The following DOCK4 variants were observed in gnomAD, a reference collection of about 807,000 sequenced individuals.
The protein encoded by DOCK4 is dedicator of cytokinesis 4.
A neutral mutation model predicts 268.1 loss-of-function variants in DOCK4; 97 were observed. That is an observed-to-expected ratio of 0.36 (90% CI 0.31 to 0.43). The LOEUF (loss-of-function observed/expected upper bound fraction) is 0.43, where lower values mean the gene tolerates loss of function less well. Ranked by LOEUF, DOCK4 falls within the 20% of genes least tolerant of loss-of-function variation. The pLI is 1.00. For missense variants in DOCK4, 2,145 were observed against 2,455.7 expected (o/e 0.87, Z 2.67); for synonymous variants, 954 against 887.2 (o/e 1.08, Z -1.34).
intron 11 of DOCK4, 88 bp downstream of exon 11, chr7:111,940,022 T>C: frequency 7.3e-7 from 1 of 1,374,620 alleles, no homozygotes; most frequent in Non-Finnish European, 1.0e-6. Flanking sequence ...ATTGTTCTTC[T>C]CTACCCACCT....
At chr7:111,839,647 T>G (rs537454084) in intron 25 of DOCK4, among the ~76,000 whole-genome samples, 33 of 152,216 alleles carry the variant, frequency 2.2e-4, no homozygotes, top group Non-Finnish European at 4.0e-4. Flanking sequence ...TGGGCATTTA[T>G]GATGATTATT....
At chr7:111,739,027 A>G in intron 49 of DOCK4, 107 bp downstream of exon 49, 1 of 873,394 alleles carries the variant, frequency 1.1e-6, no homozygotes, top group Non-Finnish European at 1.8e-6. Flanking sequence ...TTGGTCTGAC[A>G]CTGCCCAGCT....
chr7:111,938,241 CAA>C (rs1794898940), intron 11 of DOCK4, among the ~76,000 whole-genome samples: 1 of 152,148 alleles, frequency 6.6e-6, no homozygotes, highest in Non-Finnish European at 1.5e-5. Flanking sequence ...AAATCTTTGT[CAA>C]TGAATTATTG....
At chr7:111,863,315 C>A (rs779741367) in intron 23 of DOCK4, 57 bp downstream of exon 23, 1 of 1,599,534 alleles carries the variant, frequency 6.3e-7, no homozygotes. Context: ...CCAATGGCTA[C>A]AAAATATACA....
intron 1 of DOCK4, among the ~76,000 whole-genome samples, chr7:112,200,979 G>A (rs1383039455): frequency 6.6e-6 from 1 of 152,038 alleles, no homozygotes; most frequent in Non-Finnish European, 1.5e-5. Flanking sequence ...AGAATCCTGT[G>A]TCAGGCTCTA....
At chr7:111,760,390 C>T (rs1007825264) in intron 39 of DOCK4, 68 bp from the exon 40 acceptor site, 1 of 1,518,092 alleles carries the variant, frequency 6.6e-7, no homozygotes, top group Middle Eastern at 1.7e-4. Flanking sequence ...AGCCAAAAAA[C>T]ATGACACTGG....
intron 23 of DOCK4, among the ~76,000 whole-genome samples, chr7:111,858,873 G>A (rs1176271050): frequency 6.8e-6 from 1 of 146,942 alleles, no homozygotes; most frequent in African/African-American, 2.5e-5. Flanking sequence ...TATTGGTTCT[G>A]TTTCTCTGGA....
chr7:111,729,178 T>C (rs1280106047), intron 52 of DOCK4, among the ~76,000 whole-genome samples: 1 of 152,198 alleles, frequency 6.6e-6, no homozygotes, highest in African/African-American at 2.4e-5. Flanking sequence ...TTTGTAGCAC[T>C]GAAAATGCAC....
At chr7:112,155,620 T>G (rs939412991) in intron 1 of DOCK4, among the ~76,000 whole-genome samples, 1 of 152,232 alleles carries the variant, frequency 6.6e-6, no homozygotes, top group African/African-American at 2.4e-5. Flanking sequence ...CAGTGGGTTA[T>G]TCAAGTCCTC....
At chr7:112,157,813 A>G (rs1372175683) in intron 1 of DOCK4, among the ~76,000 whole-genome samples, 2 of 152,206 alleles carry the variant, frequency 1.3e-5, no homozygotes, top group African/African-American at 4.8e-5. Flanking sequence ...GGGCCAGGCC[A>G]TGAAAACACC....
chr7:111,987,530 C>A (rs528189895), intron 6 of DOCK4, among the ~76,000 whole-genome samples: 1 of 152,192 alleles, frequency 6.6e-6, no homozygotes, highest in African/African-American at 2.4e-5. Context: ...TTCGCTCCAA[C>A]GGACCCCTCC....
chr7:112,186,214 T>C (rs1243030545), intron 1 of DOCK4, among the ~76,000 whole-genome samples: 1 of 152,242 alleles, frequency 6.6e-6, no homozygotes, highest in African/African-American at 2.4e-5. Context: ...AGGGAACCTG[T>C]GCTTCAATAT....
chr7:111,773,385 G>A (rs985016906), intron 36 of DOCK4, among the ~76,000 whole-genome samples: 3 of 152,178 alleles, frequency 2.0e-5, no homozygotes, highest in East Asian at 3.9e-4. Flanking sequence ...AAGACTGCAA[G>A]TTGAGTAAAC....
In DOCK4 at chr7:112,185,724, T is replaced by C. The variant is rs201033411; in HGVS notation, c.37+20378A>G. 2.0e-4 allele frequency among the ~76,000 whole-genome samples: 30 copies of C among 152,328 alleles called. No individual in the cohort carries two copies. The East Asian group carries it at 5.4e-3, about 27-fold the overall frequency. ...TAGCTCTCCCTTGTACTGCCACAGA[T>C]CCATCTCTAAAGGACAGGCAGGTCT... On this transcript the variant is annotated intron_variant, in intron 1 of 52. Coordinates refer to ENST00000428084, the MANE Select transcript of DOCK4 (RefSeq NM_001363540.2).
intron 1 of DOCK4, among the ~76,000 whole-genome samples, chr7:112,050,792 A>C (rs1181973004): frequency 6.6e-6 from 1 of 152,198 alleles, no homozygotes; most frequent in African/African-American, 2.4e-5. Flanking sequence ...CTGATTTGAA[A>C]GTCTGCATAA....
chr7:112,024,942 A>G (rs1455261058), intron 1 of DOCK4, among the ~76,000 whole-genome samples: 1 of 152,210 alleles, frequency 6.6e-6, no homozygotes, highest in Non-Finnish European at 1.5e-5. Flanking sequence ...ACTTCACAGG[A>G]AAGGACAACT....
intron 8 of DOCK4, among the ~76,000 whole-genome samples, chr7:111,953,069 T>A (rs1458120308): frequency 6.6e-6 from 1 of 151,762 alleles, no homozygotes; most frequent in Non-Finnish European, 1.5e-5. Flanking sequence ...CTACAAAAAA[T>A]TTAAAAAATT....
At chr7:111,939,285 G>A (rs1795005523) in intron 11 of DOCK4, among the ~76,000 whole-genome samples, 1 of 152,112 alleles carries the variant, frequency 6.6e-6, no homozygotes, top group Non-Finnish European at 1.5e-5. Context: ...GGAGGCTGAG[G>A]CAGGTGGATC....
chr7:111,746,033 T>G (rs1796244045), intron 44 of DOCK4, among the ~76,000 whole-genome samples: 1 of 152,340 alleles, frequency 6.6e-6, no homozygotes, highest in African/African-American at 2.4e-5. Context: ...TCCCCCAAGA[T>G]ATCTCTTATG....
Sources: allele counts gnomAD v4.1 joint callset (sites outside exome capture counted in the v4.1 genomes callset), GRCh38; gene constraint gnomAD v4.1.1; transcripts MANE v1.5; gene names NCBI Gene and HGNC (gene_info 2026-07-23, HGNC 2026-07-21).